The following NPSR1 variants were observed in gnomAD, a reference collection of about 807,000 sequenced individuals.
NPSR1 encodes the protein neuropeptide S receptor 1.
In NPSR1, 48 loss-of-function variants were observed where a neutral mutation model predicts 46.9. The ratio of observed to expected loss-of-function variants is 1.02; its 90% CI spans 0.81 to 1.30. NPSR1 has a LOEUF of 1.30. Among genes scored for constraint, NPSR1 ranks in the 50% most tolerant of loss-of-function variants. NPSR1 has a pLI of 0.00. For synonymous variants in NPSR1, 176 were observed against 168.1 expected (o/e 1.05, Z -0.36); for missense variants, 450 against 449.5 (o/e 1.00, Z -0.01).
At chr7:34,802,101 G>A (rs1380532741) in intron 3 of NPSR1, among the ~76,000 whole-genome samples, 4 of 150,068 alleles carry the variant, frequency 2.7e-5, no homozygotes, top group African/African-American at 5.1e-5. Context: ...CCATGCTCAT[G>A]GGTAGGAAGA....
At chr7:34,791,369 T>C (rs1787872005) in intron 3 of NPSR1, among the ~76,000 whole-genome samples, 1 of 147,844 alleles carries the variant, frequency 6.8e-6, no homozygotes, top group South Asian at 2.1e-4. Context: ...GAATTTACTA[T>C]AGTTGCAGGA....
At chr7:34,684,826 TA>T in intron 2 of NPSR1, 142 bp downstream of exon 2, 3 of 688,730 alleles carry the variant, frequency 4.4e-6, no homozygotes, top group Non-Finnish European at 6.8e-6. Context: ...ATAAAACCTA[TA>T]TTTGAATATT....
At chr7:34,766,658 C>T (rs573364170) in intron 2 of NPSR1, among the ~76,000 whole-genome samples, 5 of 152,112 alleles carry the variant, frequency 3.3e-5, no homozygotes, top group African/African-American at 7.2e-5. Context: ...CTGCAAGCTC[C>T]GCCTCCTGGG....
At chr7:34,792,689 GTA>G (rs1489386225) in intron 3 of NPSR1, among the ~76,000 whole-genome samples, 1 of 74,338 alleles carries the variant, frequency 1.3e-5, no homozygotes, top group Non-Finnish European at 2.7e-5. Flanking sequence ...ATATATATAT[GTA>G]TATATATACG....
At chr7:34,734,662 G>T (rs1040592502) in intron 2 of NPSR1, among the ~76,000 whole-genome samples, 8 of 152,138 alleles carry the variant, frequency 5.3e-5, no homozygotes, top group Non-Finnish European at 7.3e-5. Flanking sequence ...AGCACTAAAG[G>T]TGCTTGTTCT....
At chr7:34,873,142 A>G (rs1424037015) in intron 8 of NPSR1, among the ~76,000 whole-genome samples, 1 of 151,806 alleles carries the variant, frequency 6.6e-6, no homozygotes, top group Non-Finnish European at 1.5e-5. Flanking sequence ...TCCAGTTCCT[A>G]ATAACTTCAT....
At chr7:34,792,721 A>T (rs1180593221) in intron 3 of NPSR1, among the ~76,000 whole-genome samples, 3 of 124,718 alleles carry the variant, frequency 2.4e-5, no homozygotes, top group South Asian at 2.4e-4. Flanking sequence ...ATATTTATAT[A>T]TATATATATA....
intron 2 of NPSR1, among the ~76,000 whole-genome samples, chr7:34,740,715 T>A (rs1031570138): frequency 1.3e-5 from 2 of 152,190 alleles, no homozygotes; most frequent in African/African-American, 4.8e-5. Flanking sequence ...CAATCTCCCT[T>A]TCCCACTTTC....
chr7:34,704,170 C>A (rs185936915), intron 2 of NPSR1: 1 of 152,240 alleles, frequency 6.6e-6, no homozygotes, highest in Admixed American at 6.5e-5. Flanking sequence ...TCACTGCCAC[C>A]TTCCTGTGTG....
At chr7:34,783,387 C>A (rs1381591481) in intron 3 of NPSR1, among the ~76,000 whole-genome samples, 1 of 152,048 alleles carries the variant, frequency 6.6e-6, no homozygotes, top group Non-Finnish European at 1.5e-5. Context: ...CATCAGATCT[C>A]ATGAGAACTT....
chr7:34,799,406 G>C (rs778950416), intron 3 of NPSR1, among the ~76,000 whole-genome samples: 4 of 151,516 alleles, frequency 2.6e-5, no homozygotes, highest in African/African-American at 9.7e-5. Context: ...GAAAAGAAGA[G>C]GATTCAACAT....
intron 4 of NPSR1, among the ~76,000 whole-genome samples, chr7:34,814,242 G>T (rs572358643): frequency 1.3e-5 from 2 of 152,382 alleles, no homozygotes; most frequent in East Asian, 1.9e-4. Context: ...CAGACAAGGA[G>T]ATTCTCTCCC....
At chr7:34,660,197 G>A (rs112171680) in intron 1 of NPSR1, 185 of 452,302 alleles carry the variant, frequency 4.1e-4, no homozygotes, top group African/African-American at 3.4e-3. Flanking sequence ...GCAGCAAAAC[G>A]GCTGGACCAC....
chr7:34,797,352 T>C (rs543650147), intron 3 of NPSR1, among the ~76,000 whole-genome samples: 2 of 152,302 alleles, frequency 1.3e-5, no homozygotes, highest in South Asian at 4.1e-4. Flanking sequence ...TGTGTCAATG[T>C]AGGTTCATCC....
intron 3 of NPSR1, among the ~76,000 whole-genome samples, chr7:34,806,572 T>C (rs1391176650): frequency 2.6e-5 from 4 of 152,108 alleles, no homozygotes; most frequent in African/African-American, 9.6e-5. Flanking sequence ...TCTGATATTA[T>C]AATGGTGGGT....
chr7:34,843,675 G>A (rs1790647173), intron 6 of NPSR1, among the ~76,000 whole-genome samples: 1 of 152,174 alleles, frequency 6.6e-6, no homozygotes, highest in Admixed American at 6.5e-5. Context: ...TTGTGGGGTT[G>A]GACTAGATCA....
intron 2 of NPSR1, among the ~76,000 whole-genome samples, chr7:34,704,595 A>G (rs1036122944): frequency 3.9e-5 from 6 of 152,252 alleles, no homozygotes; most frequent in African/African-American, 1.2e-4. Flanking sequence ...AACAAAGACC[A>G]TCCAAATGAG....
chr7:34,779,972 T>C (rs1176793332), intron 3 of NPSR1: 1 of 152,782 alleles, frequency 6.5e-6, no homozygotes, highest in African/African-American at 2.4e-5. Flanking sequence ...ACAAGATGGA[T>C]CACTCACATA....
chr7:34,822,720 G>C (rs1441825261), intron 4 of NPSR1, among the ~76,000 whole-genome samples: 1 of 152,028 alleles, frequency 6.6e-6, no homozygotes, highest in Admixed American at 6.6e-5. Context: ...CAGAATATTA[G>C]ATCACCACCC....
Sources: gnomAD v4.1 joint callset for allele counts (sites outside exome capture counted in the v4.1 genomes callset) on GRCh38, gnomAD v4.1.1 for gene constraint, MANE v1.5 for transcripts, NCBI Gene and HGNC (gene_info 2026-07-23, HGNC 2026-07-21) for gene names.